EXT1: variants seen among roughly 807,000 people sequenced by gnomAD.
EXT1 encodes exostosin-1.
Under a neutral mutation model 82.5 loss-of-function variants are expected in EXT1, and 20 were observed. The observed-to-expected ratio is 0.24, with a 90% CI of 0.17 to 0.35. The LOEUF (loss-of-function observed/expected upper bound fraction) is 0.35. EXT1 is among the 10% of genes least tolerant of loss of function. The pLI is 1.00. For missense variants in EXT1, 757 were observed against 936.5 expected, an observed-to-expected ratio of 0.81 and a Z score of 2.50; for synonymous variants, 348 against 350.8, an observed-to-expected ratio of 0.99 and a Z score of 0.09.
chr8:117,941,511 G>A (rs1814272207), intron 1 of EXT1, among the ~76,000 whole-genome samples: 1 of 152,088 alleles, frequency 6.6e-6, no homozygotes. Flanking sequence ...ATTCAACAGA[G>A]GCAGAAAAAG....
chr8:118,104,553 T>C (rs533355468), intron 1 of EXT1, among the ~76,000 whole-genome samples: 1 of 152,326 alleles, frequency 6.6e-6, no homozygotes, highest in South Asian at 2.1e-4. Flanking sequence ...TCAAACACCT[T>C]GTTCAGAAAA....
intron 1 of EXT1, among the ~76,000 whole-genome samples, chr8:118,050,244 G>A (rs1487381392): frequency 6.6e-6 from 1 of 152,192 alleles, no homozygotes; most frequent in Admixed American, 6.5e-5. Context: ...CGAAATATTT[G>A]TAACCTGGAG....
intron 1 of EXT1, among the ~76,000 whole-genome samples, chr8:117,871,087 A>G (rs536186601): frequency 2.0e-5 from 3 of 152,208 alleles, no homozygotes; most frequent in African/African-American, 7.2e-5. Flanking sequence ...GTTGTATAGA[A>G]TTTTCCTATG....
chr8:117,808,399 T>C (rs1370421951), intron 8 of EXT1, among the ~76,000 whole-genome samples: 2 of 152,192 alleles, frequency 1.3e-5, no homozygotes, highest in Non-Finnish European at 2.9e-5. Flanking sequence ...AACTAAGATA[T>C]AAGTTCAAGT....
intron 1 of EXT1, among the ~76,000 whole-genome samples, chr8:118,068,361 A>G (rs1817027961): frequency 6.6e-6 from 1 of 152,194 alleles, no homozygotes; most frequent in African/African-American, 2.4e-5. Context: ...CTTGTGCGGG[A>G]TGCACAGGTT....
Position 117,924,113 on chromosome 8 carries a change from T to C in EXT1, c.963-86912A>G, listed in dbSNP as rs143491258. ...TTTCCTTAGATATACTGAATCACAA[T>C]CTGCATTTTAAGAAAATAACTGGGT... On this transcript the variant is annotated intron_variant, in intron 1 of 10. Coordinates refer to ENST00000378204, the MANE Select transcript of EXT1 (RefSeq NM_000127.3). Among the ~76,000 whole-genome samples, 29 of 152,320 alleles carry C rather than the reference T, an allele frequency of 1.9e-4. No individual in the cohort carries two copies. The East Asian group carries it at 2.3e-3, about 12-fold the overall frequency.
chr8:117,795,607 G>GC lies in EXT1; in HGVS notation c.*4104dup, dbSNP rs1175482694. 2 of 151,904 alleles carry GC rather than the reference G, an allele frequency of 1.3e-5. No homozygotes were observed. The highest frequency in any genetic ancestry group is 2.4e-5 in the African/African-American group (1 of 41,308). The allele number at this position is 151,904 out of a possible 1,614,324, so 9.4% of individuals were successfully genotyped here. ...AGGTCAGGAGTTTGAGACCAGCCTG[G>GC]CCAACATAGCAAAACCCTGTCTCTA... On this transcript the variant is annotated 3_prime_UTR_variant, in exon 11 of 11. Coordinates refer to ENST00000378204, the MANE Select transcript of EXT1 (RefSeq NM_000127.3).
chr8:118,089,651 T>C (rs1313599026), intron 1 of EXT1, among the ~76,000 whole-genome samples: 2 of 152,208 alleles, frequency 1.3e-5, no homozygotes, highest in African/African-American at 4.8e-5. Context: ...TTAAAAAATA[T>C]GTCCTTTTTT....
intron 1 of EXT1, among the ~76,000 whole-genome samples, chr8:117,846,256 T>C (rs113483951): frequency 2.1e-4 from 32 of 152,190 alleles, no homozygotes; most frequent in South Asian, 2.1e-3. Context: ...TACAGGTGTG[T>C]GCCACCATGC....
intron 2 of EXT1, among the ~76,000 whole-genome samples, chr8:117,836,480 G>A (rs1353710328): frequency 6.6e-6 from 1 of 152,198 alleles, no homozygotes; most frequent in Non-Finnish European, 1.5e-5. Flanking sequence ...AAGGAATGGA[G>A]GATGAGAGAG....
At chr8:117,876,447 T>C (rs1468957698) in intron 1 of EXT1, among the ~76,000 whole-genome samples, 1 of 152,218 alleles carries the variant, frequency 6.6e-6, no homozygotes, top group East Asian at 1.9e-4. Flanking sequence ...AGAGTAAGGA[T>C]GGATGCTTAT....
chr8:117,905,028 C>A (rs1813517630), intron 1 of EXT1, among the ~76,000 whole-genome samples: 1 of 152,086 alleles, frequency 6.6e-6, no homozygotes, highest in Admixed American at 6.6e-5. Context: ...ATTAAAAAAG[C>A]TGACTTTAAA....
In EXT1 at chr8:117,827,776, C is replaced by A. The variant is rs1390833661; in HGVS notation, c.1284+2454G>T. Among the ~76,000 whole-genome samples the A allele has an allele frequency of 3.4e-5, 3 of 88,808 alleles. No homozygotes were observed. In the Admixed American group the frequency reaches 5.5e-4, roughly 16 times the overall value. 58.3% of individuals were successfully genotyped at this position (88,808 alleles called of 152,430 possible). A position where few individuals can be genotyped will look rare whatever the true frequency, so the allele number is the denominator to read the frequency against. On this transcript the variant is annotated intron_variant, in intron 4 of 10. Transcript: ENST00000378204. ...CTCCAGCCTGGGGGACAGGGTGAGA[C>A]TCTGTCTCAAAAAAAAAAAAAAAAA...
chr8:118,020,756 TG>T (rs1339786134), intron 1 of EXT1, among the ~76,000 whole-genome samples: 2 of 152,216 alleles, frequency 1.3e-5, no homozygotes, highest in Non-Finnish European at 1.5e-5. Context: ...CTCACTCTGC[TG>T]TATCAGTGAC....
At chr8:118,008,735 T>G (rs1353440761) in intron 1 of EXT1, among the ~76,000 whole-genome samples, 1 of 152,148 alleles carries the variant, frequency 6.6e-6, no homozygotes, top group Middle Eastern at 3.2e-3. Context: ...CTTTTCTTAT[T>G]AAAACCACAG....
intron 1 of EXT1, among the ~76,000 whole-genome samples, chr8:117,969,769 T>C (rs1470888123): frequency 1.3e-5 from 2 of 152,200 alleles, no homozygotes; most frequent in African/African-American, 2.4e-5. Context: ...CGCAAGCTTA[T>C]TGAATATTTC....
rs1823137178 is a variant in EXT1 at position 117,799,824 on chromosome 8, C to T, written c.2129G>A (p.Ser710Asn). 3.1e-6 allele frequency: 5 copies of T among 1,614,060 alleles called. No individual in the cohort carries two copies. The highest frequency in any genetic ancestry group is 2.7e-5 in the African/African-American group (2 of 74,918). ...QRQSCMNTFA[S>N]WFGYMPLIHS... ...GATCAGCGGCATGTAGCCAAACCAG[C>T]TGGCAAACGTATTCATGCAGCTCTG... Residue 710 changes from serine (S) to asparagine (N), a missense_variant, in exon 11 of 11, where the codon AGC becomes AAC. Coordinates refer to ENST00000378204, the MANE Select transcript of EXT1 (RefSeq NM_000127.3).
chr8:117,858,693 A>G (rs1265673165), intron 1 of EXT1, among the ~76,000 whole-genome samples: 5 of 146,040 alleles, frequency 3.4e-5, no homozygotes, highest in Non-Finnish European at 1.5e-5. Flanking sequence ...AAAAAAGAAG[A>G]AAGAAAGAAA....
chr8:118,101,598 G>T (rs947730974), intron 1 of EXT1, among the ~76,000 whole-genome samples: 1 of 152,238 alleles, frequency 6.6e-6, no homozygotes, highest in Admixed American at 6.5e-5. Context: ...CCCAGGCAAG[G>T]TTATATGCAC....
Sources: allele counts gnomAD v4.1 joint callset (sites outside exome capture counted in the v4.1 genomes callset), GRCh38; gene constraint gnomAD v4.1.1; transcripts MANE v1.5; gene names NCBI Gene and HGNC (gene_info 2026-07-23, HGNC 2026-07-21).